TOPAZ1: variants seen among roughly 807,000 people sequenced by gnomAD.
TOPAZ1 encodes protein TOPAZ1.
In TOPAZ1, 66 loss-of-function variants were observed where a neutral mutation model predicts 172.2. The ratio of observed to expected loss-of-function variants is 0.38; its 90% CI spans 0.31 to 0.47. The LOEUF (loss-of-function observed/expected upper bound fraction) is 0.47, where lower values mean the gene tolerates loss of function less well. Among genes scored for constraint, TOPAZ1 ranks in the 20% least tolerant of loss-of-function variants. The probability of loss-of-function intolerance (pLI) is 0.99; values close to 1 mark genes in which losing one functional copy is unlikely to be tolerated. For synonymous variants in TOPAZ1, 681 were observed against 683.9 expected (o/e 1.00, Z 0.07); for missense variants, 1,822 against 1,972.4 (o/e 0.92, Z 1.44).
chr3:44,296,374 C>G (rs1223898268), intron 12 of TOPAZ1, among the ~76,000 whole-genome samples: 3 of 151,136 alleles, frequency 2.0e-5, no homozygotes, highest in Non-Finnish European at 2.9e-5. Flanking sequence ...AAACAAAAAG[C>G]TGTTTGTTTG....
intron 15 of TOPAZ1, among the ~76,000 whole-genome samples, chr3:44,307,222 A>G (rs1248467179): frequency 6.6e-6 from 1 of 151,952 alleles, no homozygotes; most frequent in Non-Finnish European, 1.5e-5. Flanking sequence ...GGGTTTCTCC[A>G]TGTTGGTCAG....
intron 9 of TOPAZ1, among the ~76,000 whole-genome samples, chr3:44,283,473 G>A (rs1700044228): frequency 6.6e-6 from 1 of 152,166 alleles, no homozygotes; most frequent in African/African-American, 2.4e-5. Context: ...GAGGCCTCAG[G>A]AACCATTTTG....
intron 19 of TOPAZ1, among the ~76,000 whole-genome samples, chr3:44,329,791 G>A (rs1700644501): frequency 6.6e-6 from 1 of 152,160 alleles, no homozygotes; most frequent in Non-Finnish European, 1.5e-5. Flanking sequence ...ACCCAGCTTA[G>A]GAAACCCAAA....
intron 11 of TOPAZ1, among the ~76,000 whole-genome samples, chr3:44,288,163 A>G (rs2125693287): frequency 6.6e-6 from 1 of 152,284 alleles, no homozygotes; most frequent in Admixed American, 6.5e-5. Context: ...AAATAAACAA[A>G]CCAAAAAAGA....
intron 6 of TOPAZ1, among the ~76,000 whole-genome samples, chr3:44,267,388 A>G (rs962936076): frequency 6.9e-6 from 1 of 144,084 alleles, no homozygotes; most frequent in African/African-American, 2.6e-5. Flanking sequence ...GCACCTTCCC[A>G]GGTTCAAGCG....
Position 44,244,681 on chromosome 3 carries a change from C to T in TOPAZ1, c.2175C>T (p.Asp725=), listed in dbSNP as rs748723068. The T allele has an allele frequency of 3.5e-5, 55 of 1,551,254 alleles. No homozygotes were observed. Among genetic ancestry groups the T allele is most frequent in the Non-Finnish European group, 4.4e-5 (50 of 1,146,984 alleles). Residue 725 remains aspartate, a synonymous_variant, in exon 2 of 20, where the codon GAC becomes GAT. Transcript: ENST00000309765. ...LELLDNLSGA[D]VRQNRSKENV... is the part of the protein sequence containing the mutation. ...TTCTGGACAATTTATCTGGAGCAGA[C>T]GTAAGACAGAACAGGAGTAAAGAAA...
At chr3:44,318,758 G>GA (rs924211166) in intron 16 of TOPAZ1, among the ~76,000 whole-genome samples, 101 of 140,374 alleles carry the variant, frequency 7.2e-4, no homozygotes, top group African/African-American at 2.0e-3. Context: ...CCATTCCTCG[G>GA]AAAAAAAAAA....
intron 16 of TOPAZ1, among the ~76,000 whole-genome samples, chr3:44,313,727 G>C (rs1031824249): frequency 2.6e-5 from 4 of 152,070 alleles, no homozygotes; most frequent in East Asian, 3.9e-4. Context: ...AGGTGCAGAT[G>C]TTAGTTAACA....
rs1480432381 is a variant in TOPAZ1 at position 44,298,922 on chromosome 3, T to A, written c.3798-5093T>A. On this transcript the variant is annotated intron_variant, in intron 12 of 19. Transcript: ENST00000309765. ...ATATATATATATATTTTTTTTTTTT[T>A]TTTTTTTTTTTTCCCCCTGAGATAG... Among the ~76,000 whole-genome samples, 285 of 66,880 alleles carry A rather than the reference T, an allele frequency of 4.3e-3. 3 individuals carry two copies. The highest frequency in any genetic ancestry group is 0.011 in the African/African-American group (213 of 19,636). 43.9% of individuals were successfully genotyped at this position (66,880 alleles called of 152,430 possible).
At chr3:44,328,997 C>CATACG (rs1325380598) in intron 19 of TOPAZ1, among the ~76,000 whole-genome samples, 1 of 152,092 alleles carries the variant, frequency 6.6e-6, no homozygotes, top group Non-Finnish European at 1.5e-5. Context: ...CGTGGTATGC[C>CATACG]ATACGATTTC....
chr3:44,317,775 G>GT (rs1684588336), intron 16 of TOPAZ1, among the ~76,000 whole-genome samples: 1 of 152,152 alleles, frequency 6.6e-6, no homozygotes, highest in Non-Finnish European at 1.5e-5. Context: ...TATAAAACTA[G>GT]TATTAAGCCC....
chr3:44,244,172 A>G lies in TOPAZ1; in HGVS notation c.1666A>G (p.Asn556Asp), dbSNP rs558497061. ...ATTACAAAGTTCCTTAACAGAAACA[A>G]ACACTGAATCTTCAAGTAAAGAAAA... ...LLLQSSLTET[N>D]TESSSKEKLD... The change falls in exon 2 of 20, where the codon AAC (asparagine) becomes GAC (aspartate). Residue 556 changes from asparagine to aspartate, a missense_variant. Physicochemically the swap from Asn to Asp is conservative, Grantham distance 23. Coordinates refer to ENST00000309765, the MANE Select transcript of TOPAZ1 (RefSeq NM_001145030.2). 1 of 1,551,160 alleles carries G rather than the reference A, an allele frequency of 6.4e-7. No individual in the cohort carries two copies. Among genetic ancestry groups the G allele is most frequent in the Non-Finnish European group, 8.7e-7 (1 of 1,146,718 alleles).
At chr3:44,268,622 A>G (rs1439135134) in intron 6 of TOPAZ1, among the ~76,000 whole-genome samples, 2 of 152,074 alleles carry the variant, frequency 1.3e-5, no homozygotes, top group African/African-American at 4.8e-5. Flanking sequence ...ACCTCAGGCA[A>G]TCTGCCCACG....
At chr3:44,257,922 A>G (rs566620349) in intron 4 of TOPAZ1, among the ~76,000 whole-genome samples, 155 of 152,066 alleles carry the variant, frequency 1.0e-3, no homozygotes, top group Non-Finnish European at 2.0e-3. Flanking sequence ...TAATTTCTAT[A>G]GTTTTGGCAT....
chr3:44,288,702 C>G (rs1361606462), intron 11 of TOPAZ1, among the ~76,000 whole-genome samples: 2 of 152,030 alleles, frequency 1.3e-5, no homozygotes, highest in East Asian at 3.9e-4. Flanking sequence ...ACTGATAACC[C>G]GTAGAGGTTG....
At position 44,313,366 on chromosome 3, in the gene TOPAZ1, C is replaced by G. The variant is rs556408754; in HGVS notation, c.4306+3376C>G. ...GTGGCTCATGCCTGTAATCCCAGCA[C>G]TTTGGGAGGCCGAGGCGGGCGGATC... On this transcript the variant is annotated intron_variant, in intron 16 of 19. Coordinates refer to ENST00000309765, the MANE Select transcript of TOPAZ1 (RefSeq NM_001145030.2). Among the ~76,000 whole-genome samples the G allele has an allele frequency of 1.1e-4, 16 of 152,106 alleles. No homozygotes were observed. The South Asian group carries it at 3.3e-3, about 32-fold the overall frequency.
chr3:44,243,270 T>C lies in TOPAZ1; in HGVS notation c.764T>C (p.Val255Ala). Residue 255 changes from valine to alanine, a missense_variant, in exon 2 of 20, where the codon GTA (valine) becomes GCA (alanine). Val to Ala is a moderately conservative substitution (Grantham distance 64). Coordinates refer to ENST00000309765, the MANE Select transcript of TOPAZ1 (RefSeq NM_001145030.2). ...AAACCTGATGGTGGATGTATGCATG[T>C]AGCAGAAAATTTCTCAAAGAAAGAA... Reference protein sequence around the residue: ...PYKPDGGCMHVAENFSKKENL... With the variant: ...PYKPDGGCMHAAENFSKKENL... The C allele has an allele frequency of 1.3e-6, 2 of 1,551,564 alleles. No homozygotes were observed. Among genetic ancestry groups the C allele is most frequent in the Non-Finnish European group, 1.7e-6 (2 of 1,146,930 alleles).
At position 44,287,474 on chromosome 3, in the gene TOPAZ1, A is replaced by G. The variant is rs1700092507; in HGVS notation, c.3522A>G (p.Leu1174=). 6.5e-7 allele frequency: 1 copy of G among 1,530,478 alleles called. No individual in the cohort carries two copies. 94.8% of individuals were successfully genotyped at this position (1,530,478 alleles called of 1,614,324 possible). A position where few individuals can be genotyped will look rare whatever the true frequency, so the allele number is the denominator to read the frequency against. The change falls in exon 10 of 20, where the codon TTA becomes TTG. Residue 1174 remains leucine (L), a synonymous_variant. Transcript: ENST00000309765. ...TGCTAAATGACCTTCTAAATTCTTT[A>G]CTCAAACATTGTTTGTTGAAAGAAG... is the stretch of plus-strand genomic sequence containing the variant. ...LQVLNDLLNS[L]LKHCLLKEVF...
chr3:44,243,119 A>G lies in TOPAZ1; in HGVS notation c.613A>G (p.Asn205Asp), dbSNP rs1305580010. The change falls in exon 2 of 20, where the codon AAT becomes GAT. Residue 205 changes from asparagine (N) to aspartate (D), a missense_variant. Coordinates refer to ENST00000309765, the MANE Select transcript of TOPAZ1 (RefSeq NM_001145030.2). ...TGAATTCCAAGATGAACTGTACAAG[A>G]ATACTCCAAAATATTCTTGTAATAT... ...KVEFQDELYK[N>D]TPKYSCNILS... 6.5e-7 allele frequency: 1 copy of G among 1,549,838 alleles called. No homozygotes were observed. Among genetic ancestry groups the G allele is most frequent in the Admixed American group, 2.0e-5 (1 of 50,872 alleles).
Sources: gnomAD v4.1 joint callset for allele counts (sites outside exome capture counted in the v4.1 genomes callset) on GRCh38, gnomAD v4.1.1 for gene constraint, MANE v1.5 for transcripts, NCBI Gene and HGNC (gene_info 2026-07-23, HGNC 2026-07-21) for gene names.